The following TRIM16 variants were observed in gnomAD, a reference collection of about 807,000 sequenced individuals.
TRIM16 encodes tripartite motif-containing protein 16.
A neutral mutation model predicts 50.4 loss-of-function variants in TRIM16; 33 were observed. That is an observed-to-expected ratio of 0.65 (90% CI 0.50 to 0.88). The LOEUF is 0.88. TRIM16 is among the 40% of genes least tolerant of loss of function. TRIM16 has a pLI of 0.00. For missense variants in TRIM16, 581 were observed against 686.8 expected (o/e 0.85, Z 1.72); for synonymous variants, 229 against 270.7 (o/e 0.85, Z 1.51).
intron 11 of TRIM16, among the ~76,000 whole-genome samples, chr17:15,629,509 T>A (rs1439679603): frequency 6.6e-6 from 1 of 152,274 alleles, no homozygotes; most frequent in East Asian, 1.9e-4. Flanking sequence ...AACAAACATG[T>A]ATTGAATGCC....
intron 3 of TRIM16, among the ~76,000 whole-genome samples, chr17:15,682,039 A>C (rs1250675376): frequency 6.6e-6 from 1 of 151,648 alleles, no homozygotes; most frequent in Non-Finnish European, 1.5e-5. Flanking sequence ...TCTGGGCTTC[A>C]TTTCCTAATT....
At chr17:15,669,302 T>A (rs1411783438) in intron 6 of TRIM16, among the ~76,000 whole-genome samples, 2 of 151,686 alleles carry the variant, frequency 1.3e-5, no homozygotes, top group African/African-American at 4.9e-5. Context: ...CAAATGCCCA[T>A]TAATAAGAAT....
At chr17:15,672,981 G>A (rs543827986) in intron 6 of TRIM16, among the ~76,000 whole-genome samples, 10 of 152,266 alleles carry the variant, frequency 6.6e-5, no homozygotes, top group Non-Finnish European at 1.2e-4. Context: ...TACAATCCAC[G>A]AATTCATGCA....
chr17:15,676,561 A>G (rs1018408147), intron 6 of TRIM16, among the ~76,000 whole-genome samples: 2 of 150,472 alleles, frequency 1.3e-5, no homozygotes, highest in Non-Finnish European at 3.0e-5. Context: ...TCAACCTCCC[A>G]AGTAGCTGGG....
Position 15,636,076 on chromosome 17 carries a change from T to G in TRIM16, c.809A>C (p.Glu270Ala), listed in dbSNP as rs1350066562. ...AGTGTTGCTGATGGCCGCCATCCTC[T>G]CCAGCTCCTGCTTGCTCTTCTCCAT... Reference protein sequence around the residue: ...AEMEKSKQELERMAAISNTVQ... With the variant: ...AEMEKSKQELARMAAISNTVQ... The change falls in exon 9 of 12, where the codon GAG becomes GCG. Residue 270 changes from glutamate to alanine, a missense_variant. By Grantham distance (107) the Glu-to-Ala change is moderately radical. Around this residue, in one of 3 missense-constraint regions of TRIM16, gnomAD observed 450 missense variants for 544.3 expected, o/e 0.83. Transcript: ENST00000649191. The G allele has an allele frequency of 1.3e-5, 21 of 1,609,550 alleles. 1 individual carries two copies. Among genetic ancestry groups the G allele is most frequent in the Non-Finnish European group, 1.7e-5 (20 of 1,178,838 alleles).
At chr17:15,638,255 A>T (rs1419843941) in intron 8 of TRIM16, among the ~76,000 whole-genome samples, 2 of 131,392 alleles carry the variant, frequency 1.5e-5, no homozygotes, top group Non-Finnish European at 3.1e-5. Flanking sequence ...AAAAAAATAA[A>T]TTTAAAAAAA....
intron 6 of TRIM16, among the ~76,000 whole-genome samples, chr17:15,669,244 G>A: frequency 6.6e-6 from 1 of 151,514 alleles, no homozygotes. Flanking sequence ...AGAAATAGCA[G>A]CATGACCACT....
At chr17:15,647,732 C>T (rs545149250) in intron 7 of TRIM16, among the ~76,000 whole-genome samples, 22 of 151,878 alleles carry the variant, frequency 1.4e-4, no homozygotes, top group Non-Finnish European at 2.6e-4. Context: ...ACATTTGATA[C>T]GCTTGAGGAA....
chr17:15,672,464 CG>C (rs1269941666), intron 6 of TRIM16, among the ~76,000 whole-genome samples: 1 of 150,732 alleles, frequency 6.6e-6, no homozygotes, highest in Non-Finnish European at 1.5e-5. Flanking sequence ...CTGGGCGTGG[CG>C]GCTCATGCCA....
intron 6 of TRIM16, among the ~76,000 whole-genome samples, chr17:15,662,982 AG>A (rs1381182847): frequency 6.6e-6 from 1 of 151,748 alleles, no homozygotes; most frequent in African/African-American, 2.4e-5. Flanking sequence ...CAGATTTGTG[AG>A]TTTCTTTAGA....
At chr17:15,682,751 G>A in intron 3 of TRIM16, 103 bp downstream of exon 3, 3 of 1,119,342 alleles carry the variant, frequency 2.7e-6, no homozygotes, top group Non-Finnish European at 3.5e-6. Flanking sequence ...AGAAAGGCAG[G>A]TGGTATAATG....
At chr17:15,650,109 G>A (rs1987613631) in intron 7 of TRIM16, among the ~76,000 whole-genome samples, 1 of 152,180 alleles carries the variant, frequency 6.6e-6, no homozygotes, top group Admixed American at 6.5e-5. Context: ...GATTGGCAGA[G>A]AGGAGGGGCC....
chr17:15,632,600 C>T lies in TRIM16; in HGVS notation c.924G>A (p.Ser308=), dbSNP rs370004266. ...SVYVGLKDKL[S]GIRKVITEST... ...ATTCCGTGATAACTTTGCGGATGCC[C>T]GAGAGTTTATCCTTCAGCCCTACGT... The change falls in exon 10 of 12, where the codon TCG becomes TCA. Residue 308 remains serine (S), a synonymous_variant. Coordinates refer to ENST00000649191, the MANE Select transcript of TRIM16 (RefSeq NM_001348119.1). 20 of 1,613,746 alleles carry T rather than the reference C, an allele frequency of 1.2e-5. No homozygotes were observed. Among genetic ancestry groups the T allele is most frequent in the South Asian group, 2.2e-5 (2 of 91,064 alleles).
At chr17:15,667,970 C>A (rs1988570225) in intron 6 of TRIM16, among the ~76,000 whole-genome samples, 1 of 152,080 alleles carries the variant, frequency 6.6e-6, no homozygotes. Flanking sequence ...TAGCCACTAT[C>A]TTATAACCCT....
At chr17:15,653,275 C>T (rs1987815040) in intron 6 of TRIM16, among the ~76,000 whole-genome samples, 1 of 152,214 alleles carries the variant, frequency 6.6e-6, no homozygotes, top group Admixed American at 6.5e-5. Context: ...AAGCAGATGC[C>T]AGCACCATGC....
In TRIM16 at chr17:15,628,884, A is replaced by G; in HGVS notation, c.1426T>C (p.Phe476Leu). The change falls in exon 12 of 12, where the codon TTC (phenylalanine) becomes CTC (leucine). Residue 476 changes from phenylalanine (F) to leucine (L), a missense_variant. This residue lies in a region of TRIM16 where 115 missense variants were observed against 106.7 expected (regional missense o/e 1.08). Coordinates refer to ENST00000649191, the MANE Select transcript of TRIM16 (RefSeq NM_001348119.1). ...TCCATGTCACTGTACCAGGCCGTGA[A>G]CTCCTTCCCGTTCCATTGGAGGCTC... The part of the protein sequence containing the change: ...SWSLQWNGKE[F>L]TAWYSDMETP... The G allele has an allele frequency of 6.2e-7, 1 of 1,613,870 alleles. No homozygotes were observed. The highest frequency in any genetic ancestry group is 1.1e-5 in the South Asian group (1 of 91,054).
intron 6 of TRIM16, among the ~76,000 whole-genome samples, chr17:15,662,241 G>A (rs1382063780): frequency 6.6e-6 from 1 of 152,152 alleles, no homozygotes; most frequent in Non-Finnish European, 1.5e-5. Context: ...TTCCCCATGA[G>A]GAGTCAGAAA....
chr17:15,669,298 C>T (rs577768053), intron 6 of TRIM16, among the ~76,000 whole-genome samples: 10 of 151,634 alleles, frequency 6.6e-5, no homozygotes, highest in African/African-American at 2.4e-4. Flanking sequence ...AACCCAAATG[C>T]CCATTAATAA....
chr17:15,678,576 G>A (rs1427062734), intron 4 of TRIM16, among the ~76,000 whole-genome samples: 1 of 152,186 alleles, frequency 6.6e-6, no homozygotes, highest in Non-Finnish European at 1.5e-5. Flanking sequence ...GAAGCCATAT[G>A]GTAAAGAGGC....
Sources: allele counts gnomAD v4.1 joint callset (sites outside exome capture counted in the v4.1 genomes callset), GRCh38; gene constraint gnomAD v4.1.1; regional missense constraint gnomAD v4.1.1; transcripts MANE v1.5; gene names NCBI Gene and HGNC (gene_info 2026-07-23, HGNC 2026-07-21).